Variants in CSMD1 observed in about 807,000 individuals in gnomAD.
The protein encoded by CSMD1 is CUB and Sushi multiple domains 1, also known as CUB and sushi domain-containing protein 1.
Under a neutral mutation model 417.5 loss-of-function variants are expected in CSMD1, and 213 were observed. The observed-to-expected ratio is 0.51, with a 90% CI of 0.46 to 0.57. CSMD1 has a LOEUF of 0.57. Ranked by LOEUF, CSMD1 falls within the 20% of genes least tolerant of loss-of-function variation. The pLI is 0.00. For missense variants in CSMD1, 6,923 were observed against 4,529.7 expected (o/e 1.53, Z -15.17); for synonymous variants, 2,862 against 1,736.8 (o/e 1.65, Z -16.11).
At chr8:3,300,011 C>T (rs974351762) in intron 25 of CSMD1, among the ~76,000 whole-genome samples, 2 of 151,878 alleles carry the variant, frequency 1.3e-5, no homozygotes, top group African/African-American at 4.8e-5. Context: ...AGGTGACACA[C>T]GGGGAGGATG....
intron 2 of CSMD1, among the ~76,000 whole-genome samples, chr8:4,588,738 T>C (rs1048636558): frequency 3.3e-5 from 5 of 150,956 alleles, no homozygotes; most frequent in African/African-American, 7.3e-5. Flanking sequence ...TAAGCCGAGA[T>C]TGCACCACTG....
At chr8:3,155,027 T>C (rs931922802) in intron 39 of CSMD1, among the ~76,000 whole-genome samples, 6 of 152,180 alleles carry the variant, frequency 3.9e-5, no homozygotes, top group Admixed American at 1.3e-4. Context: ...CTGTAAAGAA[T>C]TACAGAAGTT....
intron 1 of CSMD1, among the ~76,000 whole-genome samples, chr8:4,978,258 G>T (rs140712095): frequency 6.6e-6 from 1 of 152,106 alleles, no homozygotes; most frequent in East Asian, 1.9e-4. Context: ...GTTCAAAGGG[G>T]GGACAGGCAG....
chr8:3,181,847 G>A (rs1821349070), intron 36 of CSMD1, among the ~76,000 whole-genome samples: 1 of 152,160 alleles, frequency 6.6e-6, no homozygotes. Flanking sequence ...CAGATACCGA[G>A]GACCAGGGTA....
At chr8:3,100,604 G>T (rs919920666) in intron 46 of CSMD1, among the ~76,000 whole-genome samples, 3 of 152,098 alleles carry the variant, frequency 2.0e-5, no homozygotes, top group African/African-American at 7.2e-5. Flanking sequence ...AAAAACACAC[G>T]TGAAAGCTTG....
chr8:3,775,539 G>C (rs1187587086), intron 5 of CSMD1, among the ~76,000 whole-genome samples: 1 of 152,150 alleles, frequency 6.6e-6, no homozygotes, highest in Non-Finnish European at 1.5e-5. Context: ...AAAGCAGGGA[G>C]AACTTTTACA....
At chr8:4,003,186 G>A (rs1317803554) in intron 4 of CSMD1, among the ~76,000 whole-genome samples, 1 of 152,148 alleles carries the variant, frequency 6.6e-6, no homozygotes, top group Non-Finnish European at 1.5e-5. Context: ...GAGGTCAGGA[G>A]ATCGAGACCA....
At position 4,403,079 on chromosome 8, in the gene CSMD1, C is replaced by T. The variant is rs189133403; in HGVS notation, c.415+16874G>A. On this transcript the variant is annotated intron_variant, in intron 3 of 69. Transcript: ENST00000635120. Reference sequence around the variant, plus strand: ...ATCTCCTGACCTCGTGATCCGCTCGCCTCAGCCTCCCAAAGTGCTGGGATT... The same window carrying T: ...ATCTCCTGACCTCGTGATCCGCTCGTCTCAGCCTCCCAAAGTGCTGGGATT... Among the ~76,000 whole-genome samples, 394 of 152,116 alleles carry T rather than the reference C, an allele frequency of 2.6e-3. 1 individual carries two copies. Among genetic ancestry groups the T allele is most frequent in the Non-Finnish European group, 3.9e-3 (263 of 67,990 alleles).
At chr8:3,374,159 G>C (rs181593555) in intron 18 of CSMD1, among the ~76,000 whole-genome samples, 15 of 147,536 alleles carry the variant, frequency 1.0e-4, no homozygotes, top group Non-Finnish European at 1.6e-4. Context: ...TCACCTTGTT[G>C]TCCCGGCTAG....
intron 3 of CSMD1, among the ~76,000 whole-genome samples, chr8:4,408,842 A>T (rs1376194877): frequency 6.6e-6 from 1 of 152,202 alleles, no homozygotes; most frequent in Non-Finnish European, 1.5e-5. Context: ...AGACTAACAT[A>T]TCCTTTGAAA....
At chr8:4,881,417 A>C (rs1449661799) in intron 1 of CSMD1, among the ~76,000 whole-genome samples, 4 of 41,170 alleles carry the variant, frequency 9.7e-5, no homozygotes, top group African/African-American at 1.9e-4. Flanking sequence ...ATACATATCT[A>C]TCTATCTATC....
Position 3,409,578 on chromosome 8 carries a change from G to A in CSMD1, c.1589C>T (p.Pro530Leu), listed in dbSNP as rs1812553708. Reference protein sequence around the residue: ...QEIEKGGCGDPGIPAYGKRTG... With the variant: ...QEIEKGGCGDLGIPAYGKRTG... Reference sequence around the variant, plus strand: ...CCGCTTCCCATAGGCGGGGATTCCAGGATCCCCACACCCTCCCTTTTCAAT... The same window carrying A: ...CCGCTTCCCATAGGCGGGGATTCCAAGATCCCCACACCCTCCCTTTTCAAT... The change falls in exon 13 of 70, where the codon CCT becomes CTT. Residue 530 changes from proline to leucine, a missense_variant. By Grantham distance (98) the Pro-to-Leu change is moderately conservative. Coordinates refer to ENST00000635120, the MANE Select transcript of CSMD1 (RefSeq NM_033225.6). 3.7e-6 allele frequency: 6 copies of A among 1,605,694 alleles called. No individual in the cohort carries two copies. Among genetic ancestry groups the A allele is most frequent in the Non-Finnish European group, 5.1e-6 (6 of 1,175,648 alleles).
intron 46 of CSMD1, among the ~76,000 whole-genome samples, chr8:3,101,580 G>C (rs556371218): frequency 1.1e-4 from 17 of 151,186 alleles, no homozygotes; most frequent in Non-Finnish European, 1.2e-4. Context: ...CCACAACCAT[G>C]CCTGGCTAAT....
At chr8:3,305,846 A>T (rs1584965650) in intron 25 of CSMD1, among the ~76,000 whole-genome samples, 1 of 151,910 alleles carries the variant, frequency 6.6e-6, no homozygotes, top group African/African-American at 2.4e-5. Context: ...CGTGTGGCTA[A>T]TTTTTTTGTA....
intron 68 of CSMD1, among the ~76,000 whole-genome samples, chr8:2,946,591 C>A (rs1802255837): frequency 6.6e-6 from 1 of 152,172 alleles, no homozygotes; most frequent in Non-Finnish European, 1.5e-5. Context: ...TCAGTGCTGA[C>A]TAATATTCCA....
At chr8:4,961,599 T>C (rs1264372777) in intron 1 of CSMD1, among the ~76,000 whole-genome samples, 1 of 152,210 alleles carries the variant, frequency 6.6e-6, no homozygotes, top group African/African-American at 2.4e-5. Context: ...TACTGTGAAA[T>C]TCTGTGCCGT....
intron 10 of CSMD1, among the ~76,000 whole-genome samples, chr8:3,534,488 A>T (rs968252010): frequency 6.6e-6 from 1 of 150,960 alleles, no homozygotes; most frequent in African/African-American, 2.4e-5. Flanking sequence ...ATGCTCAGCG[A>T]TAAGTAGATA....
chr8:3,873,157 G>A (rs1585122002), intron 5 of CSMD1, among the ~76,000 whole-genome samples: 1 of 152,114 alleles, frequency 6.6e-6, no homozygotes, highest in African/African-American at 2.4e-5. Flanking sequence ...ATTCCTCAAA[G>A]ACCTAAAAAC....
At chr8:4,818,291 G>T (rs1369769544) in intron 1 of CSMD1, among the ~76,000 whole-genome samples, 8 of 151,388 alleles carry the variant, frequency 5.3e-5, no homozygotes, top group South Asian at 2.1e-4. Flanking sequence ...GTCTAGAAAA[G>T]CTCGATGAAA....
Sources: gnomAD v4.1 joint callset for allele counts (sites outside exome capture counted in the v4.1 genomes callset) on GRCh38, gnomAD v4.1.1 for gene constraint, MANE v1.5 for transcripts, NCBI Gene and HGNC (gene_info 2026-07-23, HGNC 2026-07-21) for gene names.